Variants in ATP6V1C2 observed in about 807,000 individuals in gnomAD.
The protein encoded by ATP6V1C2 is V-type proton ATPase subunit C 2.
In ATP6V1C2, 45 loss-of-function variants were observed where a neutral mutation model predicts 56.8. That is an observed-to-expected ratio of 0.79 (90% CI 0.62 to 1.02). The LOEUF (loss-of-function observed/expected upper bound fraction) is 1.02. ATP6V1C2 is among the 50% of genes least tolerant of loss of function. The probability of loss-of-function intolerance (pLI) is 0.00; values close to 1 mark genes in which losing one functional copy is unlikely to be tolerated. For synonymous variants in ATP6V1C2, 220 were observed against 201.3 expected, an observed-to-expected ratio of 1.09 and a Z score of -0.79; for missense variants, 463 against 519.7, an observed-to-expected ratio of 0.89 and a Z score of 1.06.
Position 10,782,210 on chromosome 2 carries a change from C to T in ATP6V1C2, c.1062-33C>T, listed in dbSNP as rs146564622. 1,106 of 1,611,462 alleles carry T rather than the reference C, an allele frequency of 6.9e-4. 7 individuals are homozygous for T. The African/African-American group carries it at 0.013, about 19-fold the overall frequency. ...CTTCTATCCGTGTTTGCATTTGGAG[C>T]AGTGAACTGACACATTTTGTCTATC... On this transcript the variant is annotated intron_variant, in intron 12 of 13. Coordinates refer to ENST00000272238, the MANE Select transcript of ATP6V1C2 (RefSeq NM_001039362.2).
chr2:10,749,260 C>T (rs1450350238), intron 3 of ATP6V1C2, among the ~76,000 whole-genome samples: 7 of 151,728 alleles, frequency 4.6e-5, no homozygotes, highest in Middle Eastern at 3.4e-3. Flanking sequence ...TTTGGGAAGC[C>T]GAGGCAGGAG....
intron 2 of ATP6V1C2, among the ~76,000 whole-genome samples, chr2:10,725,652 G>A (rs528967970): frequency 4.1e-4 from 62 of 151,272 alleles, no homozygotes; most frequent in African/African-American, 1.4e-3. Context: ...ATGCCACCAT[G>A]CCCGGCTAAT....
intron 6 of ATP6V1C2, among the ~76,000 whole-genome samples, chr2:10,770,536 C>T (rs1421689023): frequency 2.6e-5 from 4 of 152,244 alleles, no homozygotes; most frequent in African/African-American, 7.2e-5. Context: ...GATGGGTCAT[C>T]TGTCCGTCCT....
At chr2:10,728,773 T>TC (rs1236847231) in intron 3 of ATP6V1C2, among the ~76,000 whole-genome samples, 14 of 86,096 alleles carry the variant, frequency 1.6e-4, no homozygotes, top group African/African-American at 6.7e-4. Context: ...ACACCCTGTC[T>TC]CAAAAAAAAA....
chr2:10,741,720 C>T (rs958686908), intron 3 of ATP6V1C2, among the ~76,000 whole-genome samples: 6 of 151,934 alleles, frequency 3.9e-5, no homozygotes, highest in Admixed American at 3.9e-4. Flanking sequence ...CTGTGCACTC[C>T]ATTTCCTCAG....
rs1332169063 is a variant in ATP6V1C2 at position 10,733,513 on chromosome 2, A to G, written c.197+6944A>G. ...GTGTTTTTCCATGTAGTTGGAAGGC[A>G]GCTTTTGCTTACGAGAGCTTTCTCT... On this transcript the variant is annotated intron_variant, in intron 3 of 13. Transcript: ENST00000272238. Among the ~76,000 whole-genome samples, 5 of 152,134 alleles carry G rather than the reference A, an allele frequency of 3.3e-5. No homozygotes were observed. The East Asian group carries it at 7.7e-4, about 23-fold the overall frequency.
Position 10,772,758 on chromosome 2 carries a change from G to T in ATP6V1C2, c.638+148G>T, listed in dbSNP as rs1664707396. The stretch of plus-strand genomic sequence containing the variant: ...CTCCTGTCCCTTGGCCTGGAATTCT[G>T]TCAGGGTCGCCCACCTTGTCACATG... On this transcript the variant is annotated intron_variant, in intron 8 of 13. Transcript: ENST00000272238. The T allele has an allele frequency of 4.1e-5, 30 of 736,608 alleles. 2 individuals are homozygous for T. The South Asian group carries it at 4.7e-4, about 12-fold the overall frequency. 45.6% of individuals were successfully genotyped at this position (736,608 alleles called of 1,614,324 possible). A position where few individuals can be genotyped will look rare whatever the true frequency, so the allele number is the denominator to read the frequency against.
At position 10,777,649 on chromosome 2, in the gene ATP6V1C2, C is replaced by A. The variant is rs761495104; in HGVS notation, c.890C>A (p.Thr297Asn). ...TTCCCGGACCACAAGGTTAAGGTAA[C>A]CCCGCTAGGTAACCCTGATAGGCCT... ...STFPDHKVKV[T>N]PLGNPDRPAA... is the part of the protein sequence containing the mutation. The change falls in exon 11 of 14, where the codon ACC becomes AAC. Residue 297 changes from threonine to asparagine, a missense_variant. Coordinates refer to ENST00000272238, the MANE Select transcript of ATP6V1C2 (RefSeq NM_001039362.2). 1.9e-6 allele frequency: 3 copies of A among 1,614,036 alleles called. No individual in the cohort carries two copies. The highest frequency in any genetic ancestry group is 2.7e-5 in the African/African-American group (2 of 74,922).
In ATP6V1C2 at chr2:10,783,465, A is replaced by G; in HGVS notation, c.*202A>G. ...GTCCTTTGAATGTTCCAACAAATTC[A>G]AAACTTCATTTTCTGAATGTTTTAC... On this transcript the variant is annotated 3_prime_UTR_variant, in exon 14 of 14. Coordinates refer to ENST00000272238, the MANE Select transcript of ATP6V1C2 (RefSeq NM_001039362.2). 1 of 488,154 alleles carries G rather than the reference A, an allele frequency of 2.0e-6. No homozygotes were observed. Among genetic ancestry groups the G allele is most frequent in the South Asian group, 2.6e-5 (1 of 38,670 alleles). The allele number at this position is 488,154 out of a possible 1,614,324, so 30.2% of individuals were successfully genotyped here.
At chr2:10,771,995 C>A in intron 7 of ATP6V1C2, 58 bp downstream of exon 7, 3 of 1,478,474 alleles carry the variant, frequency 2.0e-6, no homozygotes, top group Non-Finnish European at 2.8e-6. Flanking sequence ...GGAAGGTGGA[C>A]CCGTTGGTGA....
chr2:10,781,665 G>C (rs1038097325), intron 12 of ATP6V1C2, among the ~76,000 whole-genome samples: 1 of 152,096 alleles, frequency 6.6e-6, no homozygotes, highest in African/African-American at 2.4e-5. Context: ...CCGATCCTTT[G>C]CTCCCTCAGA....
intron 3 of ATP6V1C2, among the ~76,000 whole-genome samples, chr2:10,733,901 G>A (rs181263811): frequency 1.3e-5 from 2 of 152,264 alleles, no homozygotes; most frequent in African/African-American, 4.8e-5. Flanking sequence ...TGGTTCCATG[G>A]AGCTGACTGA....
At position 10,762,039 on chromosome 2, in the gene ATP6V1C2, G is replaced by A. The variant is rs150811132; in HGVS notation, c.284-2292G>A. Among the ~76,000 whole-genome samples the A allele has an allele frequency of 7.7e-3, 1,173 of 152,304 alleles. 16 individuals carry two copies. Among genetic ancestry groups the A allele is most frequent in the African/African-American group, 0.027 (1,103 of 41,556 alleles). The stretch of plus-strand genomic sequence containing the variant: ...CCCTGCAGGGCGTTAGGTGCTTCAC[G>A]CCTTATCTCACTTTATCCTGGAATT... On this transcript the variant is annotated intron_variant, in intron 4 of 13. Coordinates refer to ENST00000272238, the MANE Select transcript of ATP6V1C2 (RefSeq NM_001039362.2).
rs373469031 is a variant in ATP6V1C2, at chr2:10,774,889, C to T, written c.731+9C>T. ...AAGGCCAAAGAAAACAAGTAAGGGT[C>T]CTCCAGGTTTGGTTCATCTCCCGCT... On this transcript the variant is annotated intron_variant, in intron 9 of 13. Coordinates refer to ENST00000272238, the MANE Select transcript of ATP6V1C2 (RefSeq NM_001039362.2). The T allele has an allele frequency of 6.2e-7, 1 of 1,613,958 alleles. No homozygotes were observed. The highest frequency in any genetic ancestry group is 8.5e-7 in the Non-Finnish European group (1 of 1,179,812).
chr2:10,779,969 C>G (rs566633478), intron 12 of ATP6V1C2, among the ~76,000 whole-genome samples: 1 of 152,150 alleles, frequency 6.6e-6, no homozygotes, highest in Non-Finnish European at 1.5e-5. Flanking sequence ...CACCGCCTGC[C>G]GCTCTGACTC....
chr2:10,748,197 T>C (rs1395131645), intron 3 of ATP6V1C2, among the ~76,000 whole-genome samples: 1 of 152,140 alleles, frequency 6.6e-6, no homozygotes, highest in Non-Finnish European at 1.5e-5. Flanking sequence ...CACCCAGTCT[T>C]TTTGACCTTG....
At chr2:10,753,430 T>A (rs1020145643) in intron 3 of ATP6V1C2, among the ~76,000 whole-genome samples, 3 of 152,238 alleles carry the variant, frequency 2.0e-5, no homozygotes, top group African/African-American at 7.2e-5. Context: ...GTCAGCAGCG[T>A]GCTGTGAAGA....
chr2:10,764,319 G>A lies in ATP6V1C2; in HGVS notation c.284-12G>A. 6.2e-7 allele frequency: 1 copy of A among 1,601,246 alleles called. No individual in the cohort carries two copies. The highest frequency in any genetic ancestry group is 8.6e-7 in the Non-Finnish European group (1 of 1,168,388). Reference sequence around the variant, plus strand: ...CAGGCTCATGTGTTGAAATGTGTTTGTATTCTTCCAGTTGACTTAACATCC... The same window carrying A: ...CAGGCTCATGTGTTGAAATGTGTTTATATTCTTCCAGTTGACTTAACATCC... On this transcript the variant is annotated splice_polypyrimidine_tract_variant and intron_variant, in intron 4 of 13. Transcript: ENST00000272238.
intron 5 of ATP6V1C2, among the ~76,000 whole-genome samples, chr2:10,766,029 C>CT (rs1211979521): frequency 2.0e-5 from 3 of 152,236 alleles, no homozygotes; most frequent in African/African-American, 7.2e-5. Context: ...TCACTTTCCT[C>CT]TGAGTGCAGA....
Sources: gnomAD v4.1 joint callset for allele counts (sites outside exome capture counted in the v4.1 genomes callset) on GRCh38, gnomAD v4.1.1 for gene constraint, MANE v1.5 for transcripts, NCBI Gene and HGNC (gene_info 2026-07-23, HGNC 2026-07-21) for gene names.